GNA15: variants seen among roughly 807,000 people sequenced by gnomAD.
GNA15 encodes G protein subunit alpha 15, also known as guanine nucleotide-binding protein subunit alpha-15.
GNA15 carries 23 observed loss-of-function variants against 40.1 expected under a neutral mutation model. The ratio of observed to expected loss-of-function variants is 0.57; its 90% confidence interval spans 0.41 to 0.81. The LOEUF (loss-of-function observed/expected upper bound fraction) is 0.81, where lower values mean the gene tolerates loss of function less well. Ranked by LOEUF, GNA15 falls within the 40% of genes least tolerant of loss-of-function variation. The probability of loss-of-function intolerance (pLI) is 0.00; values close to 1 mark genes in which losing one functional copy is unlikely to be tolerated. For synonymous variants in GNA15, 226 were observed against 210.4 expected (o/e 1.07, Z -0.64); for missense variants, 522 against 515.8 (o/e 1.01, Z -0.12).
At chr19:3,157,584 C>G (rs566921852) in intron 5 of GNA15, 144 bp from the exon 6 acceptor site, 2 of 671,710 alleles carry the variant, frequency 3.0e-6, no homozygotes, top group African/African-American at 3.6e-5. Context: ...CATATGGAAA[C>G]ACGGGCACAC....
At chr19:3,145,376 G>C (rs1211025650) in intron 1 of GNA15, among the ~76,000 whole-genome samples, 2 of 32,266 alleles carry the variant, frequency 6.2e-5, no homozygotes, top group Non-Finnish European at 1.4e-4. Flanking sequence ...TTTTTTTGTA[G>C]AGATGGGGTC....
chr19:3,159,257 C>T (rs1400908530), intron 6 of GNA15, among the ~76,000 whole-genome samples: 1 of 151,924 alleles, frequency 6.6e-6, no homozygotes, highest in Non-Finnish European at 1.5e-5. Context: ...ATCTCCTGAC[C>T]TCATGATCCA....
intron 5 of GNA15, among the ~76,000 whole-genome samples, chr19:3,157,244 C>T (rs1432853001): frequency 6.6e-6 from 1 of 152,116 alleles, no homozygotes; most frequent in Admixed American, 6.6e-5. Flanking sequence ...GGTGATCTGC[C>T]CGCCTTGGCC....
chr19:3,152,509 TA>T (rs1220041106), intron 4 of GNA15, among the ~76,000 whole-genome samples: 15 of 152,194 alleles, frequency 9.9e-5, no homozygotes, highest in African/African-American at 3.6e-4. Flanking sequence ...CTGAGGGGCC[TA>T]GGGGGACTCC....
At chr19:3,149,038 C>CACACAT (rs35799203) in intron 2 of GNA15, 1 of 464,942 alleles carries the variant, frequency 2.2e-6, no homozygotes, top group African/African-American at 2.0e-5. Flanking sequence ...CAAGGACACA[C>CACACAT]ACGTACATGC....
chr19:3,156,203 C>CA (rs1555707138), intron 5 of GNA15, among the ~76,000 whole-genome samples: 4 of 126,102 alleles, frequency 3.2e-5, no homozygotes, highest in Non-Finnish European at 7.3e-5. Flanking sequence ...CACACACACA[C>CA]TACAGTGCAC....
intron 3 of GNA15, among the ~76,000 whole-genome samples, chr19:3,150,621 G>A (rs1914857635): frequency 6.6e-6 from 1 of 152,030 alleles, no homozygotes; most frequent in African/African-American, 2.4e-5. Context: ...AGGGAATCCA[G>A]TTCCTTGGGG....
intron 1 of GNA15, among the ~76,000 whole-genome samples, chr19:3,140,506 G>T (rs1444557446): frequency 2.0e-5 from 3 of 152,072 alleles, no homozygotes; most frequent in African/African-American, 4.8e-5. Context: ...CCTCCTCAGA[G>T]AAGTCTTCCC....
intron 1 of GNA15, among the ~76,000 whole-genome samples, chr19:3,142,905 AG>A (rs1460832183): frequency 6.6e-6 from 1 of 151,634 alleles, no homozygotes; most frequent in Non-Finnish European, 1.5e-5. Context: ...AGTAAAAAAA[AG>A]GAAGAAGAAG....
At chr19:3,157,223 T>A (rs920647275) in intron 5 of GNA15, among the ~76,000 whole-genome samples, 1 of 152,094 alleles carries the variant, frequency 6.6e-6, no homozygotes, top group Non-Finnish European at 1.5e-5. Flanking sequence ...GGTCTCCAAC[T>A]CCTGGCCTCA....
intron 4 of GNA15, among the ~76,000 whole-genome samples, chr19:3,152,082 T>A (rs1914895333): frequency 6.6e-6 from 1 of 151,874 alleles, no homozygotes; most frequent in South Asian, 2.1e-4. Context: ...GAGGAGGGAA[T>A]ATTAATGGGG....
Position 3,162,987 on chromosome 19 carries a change from G to T in GNA15, c.1093G>T (p.Ala365Ser), listed in dbSNP as rs1433555721. The change falls in exon 7 of 7, where the codon GCC becomes TCC. Residue 365 changes from alanine to serine, a missense_variant. Physicochemically the swap from Ala to Ser is moderately conservative, Grantham distance 99. Coordinates refer to ENST00000262958, the MANE Select transcript of GNA15 (RefSeq NM_002068.4). ...VFKDVRDSVL[A>S]RYLDEINLL ...CAAGGACGTGCGGGACTCGGTGCTC[G>T]CCCGCTACCTGGACGAGATCAACCT... 2.5e-6 allele frequency: 4 copies of T among 1,613,682 alleles called. No individual in the cohort carries two copies. The highest frequency in any genetic ancestry group is 1.6e-4 in the Middle Eastern group (1 of 6,084).
At chr19:3,145,170 T>C (rs1599321613) in intron 1 of GNA15, among the ~76,000 whole-genome samples, 1 of 139,758 alleles carries the variant, frequency 7.2e-6, no homozygotes, top group Non-Finnish European at 1.5e-5. Flanking sequence ...TTAATTTTTT[T>C]TGGAAACTTT....
Position 3,147,636 on chromosome 19 carries a change from G to A in GNA15, c.146-955G>A, listed in dbSNP as rs191380490. ...AAAACACAAAAACTGGCCAGGCGCG[G>A]TGGCTCACGCTTGTAATCCCAGCAC... On this transcript the variant is annotated intron_variant, in intron 1 of 6. Coordinates refer to ENST00000262958, the MANE Select transcript of GNA15 (RefSeq NM_002068.4). Among the ~76,000 whole-genome samples, 900 of 151,638 alleles carry A rather than the reference G, an allele frequency of 5.9e-3. 12 individuals carry two copies. The highest frequency in any genetic ancestry group is 0.021 in the African/African-American group (852 of 41,396).
chr19:3,159,423 C>T (rs1222376768), intron 6 of GNA15, among the ~76,000 whole-genome samples: 21 of 148,816 alleles, frequency 1.4e-4, no homozygotes, highest in South Asian at 6.4e-4. Context: ...CTCGGCTCAC[C>T]GCAACCTCCG....
At chr19:3,148,899 G>A in intron 2 of GNA15, 124 bp downstream of exon 2, 1 of 976,504 alleles carries the variant, frequency 1.0e-6, no homozygotes, top group Non-Finnish European at 1.5e-6. Flanking sequence ...AGGGCAGGCA[G>A]GGAAGGGTCC....
Position 3,155,808 on chromosome 19 carries a change from C to T in GNA15, c.615-15C>T. On this transcript the variant is annotated splice_polypyrimidine_tract_variant and intron_variant, in intron 4 of 6. Transcript: ENST00000262958. The surrounding 1 kb of genome is among the most constrained non-coding windows in gnomAD (Gnocchi z 5.6). ...GCTCCTGAGCTCTGAAAGGGGGCAC[C>T]TCGGTTCCCTGTAGGATCGTGGACG... is the stretch of plus-strand genomic sequence containing the variant. 3 of 1,610,842 alleles carry T rather than the reference C, an allele frequency of 1.9e-6. No individual in the cohort carries two copies. The highest frequency in any genetic ancestry group is 2.5e-6 in the Non-Finnish European group (3 of 1,179,200).
At chr19:3,148,439 G>A (rs1914786747) in intron 1 of GNA15, 152 bp from the exon 2 acceptor site, 3 of 682,768 alleles carry the variant, frequency 4.4e-6, no homozygotes, top group South Asian at 4.3e-5. Context: ...CGGCAAAGCC[G>A]CTAGCCTAGG....
intron 6 of GNA15, among the ~76,000 whole-genome samples, chr19:3,159,325 AT>A (rs1169707311): frequency 8.6e-6 from 1 of 116,450 alleles, no homozygotes; most frequent in Admixed American, 9.0e-5. Flanking sequence ...TGCCCAGTCT[AT>A]TTTTTCTTTA....
Sources: allele counts gnomAD v4.1 joint callset (sites outside exome capture counted in the v4.1 genomes callset), GRCh38; gene constraint gnomAD v4.1.1; non-coding constraint Gnocchi (gnomAD v3.1); transcripts MANE v1.5; gene names NCBI Gene and HGNC (gene_info 2026-07-23, HGNC 2026-07-21).